The following ABTB3 variants were observed in gnomAD, a reference collection of about 807,000 sequenced individuals.
ABTB3 encodes the protein ankyrin repeat and BTB domain containing 3, also known as ankyrin repeat- and BTB/POZ domain-containing protein 3.
the ABTB3 span, among the ~76,000 whole-genome samples, chr12:107,368,200 C>T: frequency 6.6e-5 from 10 of 152,280 alleles, no homozygotes; most frequent in Non-Finnish European, 8.8e-5. Context: ...GCTTTGGAGA[C>T]GTAGGCTGAT....
At chr12:107,341,147 G>T in the ABTB3 span, among the ~76,000 whole-genome samples, 3 of 152,274 alleles carry the variant, frequency 2.0e-5, no homozygotes, top group East Asian at 1.9e-4. Context: ...GCTGTCTCCC[G>T]CAATAGCTGG....
chr12:107,525,184 A>T, the ABTB3 span, among the ~76,000 whole-genome samples: 1 of 151,880 alleles, frequency 6.6e-6, no homozygotes, highest in Non-Finnish European at 1.5e-5. Context: ...AAAATTAGCC[A>T]GGTGTGGTGG....
At chr12:107,600,789 C>T in the ABTB3 span, among the ~76,000 whole-genome samples, 4 of 152,230 alleles carry the variant, frequency 2.6e-5, no homozygotes, top group Non-Finnish European at 4.4e-5. Context: ...AACAGAAACA[C>T]ATGCACAGAG....
At chr12:107,375,573 G>A in the ABTB3 span, among the ~76,000 whole-genome samples, 1 of 152,184 alleles carries the variant, frequency 6.6e-6, no homozygotes, top group Admixed American at 6.5e-5. Context: ...CGGGGGCCCG[G>A]TGCCGTTCTA....
At chr12:107,591,323 A>T in the ABTB3 span, among the ~76,000 whole-genome samples, 2 of 152,242 alleles carry the variant, frequency 1.3e-5, no homozygotes, top group Non-Finnish European at 2.9e-5. Context: ...TGAAGAAAAG[A>T]AGTTTAATTG....
the ABTB3 span, among the ~76,000 whole-genome samples, chr12:107,457,543 T>A: frequency 1.3e-5 from 2 of 152,100 alleles, no homozygotes; most frequent in Admixed American, 6.6e-5. Flanking sequence ...ATGGATGGGG[T>A]CTCTGGGTAC....
At chr12:107,446,441 T>G in the ABTB3 span, among the ~76,000 whole-genome samples, 2 of 152,126 alleles carry the variant, frequency 1.3e-5, no homozygotes, top group African/African-American at 4.8e-5. Context: ...ACATTTTTGG[T>G]CAGGTTTTAT....
the ABTB3 span, among the ~76,000 whole-genome samples, chr12:107,482,999 TC>T: frequency 5.8e-5 from 7 of 121,190 alleles, no homozygotes; most frequent in African/African-American, 2.3e-4. Context: ...CTTCCTTCCT[TC>T]CTTCCTTCTT....
chr12:107,438,246 G>A, the ABTB3 span, among the ~76,000 whole-genome samples: 1 of 152,012 alleles, frequency 6.6e-6, no homozygotes, highest in Admixed American at 6.5e-5. Flanking sequence ...GTGGGGAGGG[G>A]GTTTCACACT....
At chr12:107,599,148 C>T in the ABTB3 span, among the ~76,000 whole-genome samples, 2 of 152,194 alleles carry the variant, frequency 1.3e-5, no homozygotes, top group Admixed American at 1.3e-4. Context: ...GTGTTTCCTG[C>T]ATTTCAGATG....
the ABTB3 span, among the ~76,000 whole-genome samples, chr12:107,433,790 A>G: frequency 2.6e-5 from 4 of 152,202 alleles, no homozygotes; most frequent in Non-Finnish European, 5.9e-5. Flanking sequence ...TGGCCGCTAT[A>G]ACAAAGTACC....
chr12:107,380,045 G>T, the ABTB3 span, among the ~76,000 whole-genome samples: 6 of 152,146 alleles, frequency 3.9e-5, no homozygotes, highest in African/African-American at 1.2e-4. Context: ...CCCTGGCATT[G>T]CGCGATGCTG....
the ABTB3 span, among the ~76,000 whole-genome samples, chr12:107,322,577 T>C: frequency 3.3e-5 from 5 of 152,220 alleles, no homozygotes; most frequent in Non-Finnish European, 5.9e-5. Flanking sequence ...ATTTATTTAT[T>C]CATTTGTGAA....
At chr12:107,536,739 A>C in the ABTB3 span, among the ~76,000 whole-genome samples, 5 of 152,182 alleles carry the variant, frequency 3.3e-5, no homozygotes, top group Non-Finnish European at 7.4e-5. Context: ...AAATACTGGC[A>C]AGGACGTAGA....
the ABTB3 span, among the ~76,000 whole-genome samples, chr12:107,324,337 G>A: frequency 6.6e-6 from 1 of 152,136 alleles, no homozygotes. Flanking sequence ...CAGCCCTGTG[G>A]CCAGGGTCAC....
At chr12:107,386,978 CTTTTT>C in the ABTB3 span, among the ~76,000 whole-genome samples, 1 of 133,994 alleles carries the variant, frequency 7.5e-6, no homozygotes. Context: ...CAGCTACATT[CTTTTT>C]TTTTTTTTTT....
chr12:107,335,166 C>T, the ABTB3 span, among the ~76,000 whole-genome samples: 1 of 151,528 alleles, frequency 6.6e-6, no homozygotes, highest in Non-Finnish European at 1.5e-5. Flanking sequence ...ATGCACCTGT[C>T]ATCCCATCTA....
the ABTB3 span, among the ~76,000 whole-genome samples, chr12:107,498,442 A>G: frequency 1.3e-5 from 2 of 152,172 alleles, no homozygotes; most frequent in Non-Finnish European, 2.9e-5. Context: ...AGAACTCACT[A>G]CTGCAAACTT....
At chr12:107,617,843 C>T in the ABTB3 span, 1 of 410,494 alleles carries the variant, frequency 2.4e-6, no homozygotes, top group Non-Finnish European at 4.4e-6. Flanking sequence ...ACACATAACC[C>T]CAAGCAGAGC....
Sources: gnomAD v4.1 joint callset for allele counts (sites outside exome capture counted in the v4.1 genomes callset) on GRCh38, gnomAD v4.1.1 for gene constraint, MANE v1.5 for transcripts, NCBI Gene and HGNC (gene_info 2026-07-23, HGNC 2026-07-21) for gene names.